DCC: variants seen among roughly 807,000 people sequenced by gnomAD.
DCC encodes netrin receptor DCC.
Under a neutral mutation model 172.5 loss-of-function variants are expected in DCC, and 58 were observed. That is an observed-to-expected ratio of 0.34 (90% CI 0.27 to 0.42). DCC has a LOEUF of 0.42. Among genes scored for constraint, DCC ranks in the 10% least tolerant of loss-of-function variants. DCC has a pLI of 1.00. For missense variants in DCC, 1,740 were observed against 1,791.0 expected, an observed-to-expected ratio of 0.97 and a Z score of 0.51; for synonymous variants, 709 against 644.5, an observed-to-expected ratio of 1.10 and a Z score of -1.52.
At chr18:52,478,309 C>G (rs897040057) in intron 1 of DCC, among the ~76,000 whole-genome samples, 2 of 152,038 alleles carry the variant, frequency 1.3e-5, no homozygotes, top group Non-Finnish European at 2.9e-5. Flanking sequence ...TTTCTTTGAC[C>G]TATTTCCTCA....
intron 5 of DCC, among the ~76,000 whole-genome samples, chr18:52,943,899 G>C (rs1358697233): frequency 6.6e-6 from 1 of 152,128 alleles, no homozygotes; most frequent in Non-Finnish European, 1.5e-5. Flanking sequence ...GCAGGTGCCT[G>C]CCACGACAAC....
intron 12 of DCC, among the ~76,000 whole-genome samples, chr18:53,255,469 G>C (rs2056495080): frequency 6.8e-6 from 1 of 148,072 alleles, no homozygotes; most frequent in Admixed American, 6.9e-5. Flanking sequence ...TGTGGTGTTT[G>C]GTTTTTTGTC....
chr18:52,721,913 A>T (rs2036479521), intron 1 of DCC, among the ~76,000 whole-genome samples: 1 of 152,114 alleles, frequency 6.6e-6, no homozygotes, highest in Non-Finnish European at 1.5e-5. Context: ...AATCCCAGCT[A>T]CTTGGGAGGC....
chr18:52,541,963 T>C (rs2032474172), intron 1 of DCC, among the ~76,000 whole-genome samples: 1 of 144,868 alleles, frequency 6.9e-6, no homozygotes, highest in African/African-American at 2.5e-5. Flanking sequence ...ATATATACAC[T>C]ATATTATATC....
At chr18:53,145,011 C>T (rs1040246998) in intron 7 of DCC, among the ~76,000 whole-genome samples, 16 of 150,682 alleles carry the variant, frequency 1.1e-4, no homozygotes, top group Non-Finnish European at 5.9e-5. Flanking sequence ...TGAGTGTTTG[C>T]GTCCCTCTAA....
chr18:52,668,211 A>G (rs1421899193), intron 1 of DCC, among the ~76,000 whole-genome samples: 2 of 152,200 alleles, frequency 1.3e-5, no homozygotes, highest in Admixed American at 6.5e-5. Context: ...TGATGGTTTC[A>G]GGTAATCTCA....
At chr18:52,614,617 GTCTCAC>G (rs1568256786) in intron 1 of DCC, among the ~76,000 whole-genome samples, 1 of 152,084 alleles carries the variant, frequency 6.6e-6, no homozygotes, top group Non-Finnish European at 1.5e-5. Flanking sequence ...TTGAAGTTGT[GTCTCAC>G]TCTTTCTATA....
At chr18:52,888,574 A>G (rs1487790979) in intron 2 of DCC, among the ~76,000 whole-genome samples, 1 of 152,168 alleles carries the variant, frequency 6.6e-6, no homozygotes, top group Non-Finnish European at 1.5e-5. Flanking sequence ...AGTACTGGAA[A>G]TAACAAGTAT....
intron 27 of DCC, among the ~76,000 whole-genome samples, chr18:53,508,342 G>A (rs1004699897): frequency 1.3e-5 from 2 of 152,034 alleles, no homozygotes; most frequent in East Asian, 1.9e-4. Flanking sequence ...ACAGGTGAGC[G>A]ACACCTCACA....
intron 15 of DCC, among the ~76,000 whole-genome samples, chr18:53,383,837 G>A (rs1289947566): frequency 6.6e-6 from 1 of 151,604 alleles, no homozygotes; most frequent in Non-Finnish European, 1.5e-5. Flanking sequence ...TGGTTCTCAG[G>A]GACAGAGGGG....
intron 5 of DCC, among the ~76,000 whole-genome samples, chr18:52,974,902 A>C (rs1252727146): frequency 1.2e-4 from 18 of 152,202 alleles, no homozygotes; most frequent in Non-Finnish European, 2.4e-4. Flanking sequence ...GTCACATACA[A>C]AACACTCCAG....
chr18:53,335,861 G>A (rs868236966), intron 14 of DCC, among the ~76,000 whole-genome samples: 11 of 152,180 alleles, frequency 7.2e-5, no homozygotes, highest in Middle Eastern at 3.4e-3. Flanking sequence ...CTCACATGGC[G>A]GCAGACAAGA....
At chr18:52,879,064 C>T (rs949597484) in intron 2 of DCC, among the ~76,000 whole-genome samples, 1 of 152,186 alleles carries the variant, frequency 6.6e-6, no homozygotes, top group South Asian at 2.1e-4. Context: ...GCTTAAACTG[C>T]TCTAATACCA....
intron 1 of DCC, among the ~76,000 whole-genome samples, chr18:52,484,744 A>G (rs746716936): frequency 2.0e-5 from 3 of 151,838 alleles, no homozygotes; most frequent in Non-Finnish European, 2.9e-5. Context: ...TCAAACCACC[A>G]TGGCACAAGA....
intron 9 of DCC, among the ~76,000 whole-genome samples, chr18:53,184,080 A>G (rs2055242088): frequency 6.6e-6 from 1 of 152,024 alleles, no homozygotes; most frequent in Non-Finnish European, 1.5e-5. Context: ...ACATTTACAA[A>G]CAAAGTGGGA....
chr18:52,751,162 T>A (rs1248562203), intron 1 of DCC, among the ~76,000 whole-genome samples: 2 of 152,204 alleles, frequency 1.3e-5, no homozygotes, highest in Non-Finnish European at 2.9e-5. Context: ...TGAAAGTAAT[T>A]TGACTTGAAT....
intron 5 of DCC, among the ~76,000 whole-genome samples, chr18:53,044,509 G>T (rs552617815): frequency 2.0e-5 from 3 of 151,700 alleles, no homozygotes; most frequent in South Asian, 2.1e-4. Context: ...AAAATATAAG[G>T]CATGGACTAG....
intron 8 of DCC, among the ~76,000 whole-genome samples, chr18:53,164,033 G>T (rs909828425): frequency 3.9e-5 from 6 of 152,152 alleles, no homozygotes; most frequent in African/African-American, 1.4e-4. Flanking sequence ...AGAATTTCGT[G>T]CAGACCATAG....
At position 53,400,076 on chromosome 18, in the gene DCC, T is replaced by C. The variant is rs1378842756; in HGVS notation, c.2827+2630T>C. Among the ~76,000 whole-genome samples the C allele has an allele frequency of 2.6e-5, 4 of 152,098 alleles. No homozygotes were observed. In the East Asian group the frequency reaches 7.7e-4, roughly 29 times the overall value. On this transcript the variant is annotated intron_variant, in intron 18 of 28. Transcript: ENST00000442544. ...TGTCTTTGAGCGAATTGTGGTCCAA[T>C]AAAAAAGAAAAAGCATTTTTTTAAA... is the stretch of plus-strand genomic sequence containing the variant.
Sources: gnomAD v4.1 joint callset for allele counts (sites outside exome capture counted in the v4.1 genomes callset) on GRCh38, gnomAD v4.1.1 for gene constraint, MANE v1.5 for transcripts, NCBI Gene and HGNC (gene_info 2026-07-23, HGNC 2026-07-21) for gene names.